The following ASIC3 variants were observed in gnomAD, a reference collection of about 807,000 sequenced individuals.
ASIC3 encodes acid sensing ion channel subunit 3.
Under a neutral mutation model 58.6 loss-of-function variants are expected in ASIC3, and 46 were observed. That is an observed-to-expected ratio of 0.79 (90% CI 0.62 to 1.00). ASIC3 has a LOEUF of 1.00. Among genes scored for constraint, ASIC3 ranks in the 50% least tolerant of loss-of-function variants. ASIC3 has a pLI of 0.00. For missense variants in ASIC3, 770 were observed against 735.0 expected, an observed-to-expected ratio of 1.05 and a Z score of -0.55; for synonymous variants, 336 against 300.2, an observed-to-expected ratio of 1.12 and a Z score of -1.23.
intron 6 of ASIC3, 35 bp downstream of exon 6, chr7:151,051,354 C>T (rs1563321305): frequency 6.9e-7 from 1 of 1,439,354 alleles, no homozygotes; most frequent in Admixed American, 3.0e-5. Flanking sequence ...TCCTCCGAGC[C>T]GGGGGCTCCC....
At chr7:151,048,525 C>A, upstream of ASIC3, 1 of 273,160 alleles carries the variant, frequency 3.7e-6, no homozygotes, top group Non-Finnish European at 6.9e-6. Flanking sequence ...CTGCTGAAAC[C>A]CAATCCTCTG....
In ASIC3 at chr7:151,050,801, C is replaced by A; in HGVS notation, c.857C>A (p.Ser286Tyr). 6.2e-7 allele frequency: 1 copy of A among 1,613,906 alleles called. No homozygotes were observed. The highest frequency in any genetic ancestry group is 8.5e-7 in the Non-Finnish European group (1 of 1,179,920). ...PPPWGDCSSA[S>Y]LNPNYEPEPS... The stretch of plus-strand genomic sequence containing the variant: ...CCCTGGGGCGATTGCAGTTCAGCAT[C>A]TCTGAACCCCAACTATGAGCCAGAG... Residue 286 changes from serine (S) to tyrosine (Y), a missense_variant, in exon 4 of 11, where the codon TCT (serine) becomes TAT (tyrosine). Coordinates refer to ENST00000349064, the MANE Select transcript of ASIC3 (RefSeq NM_004769.4).
At position 151,048,819 on chromosome 7, in the gene ASIC3, C is replaced by T. The variant is rs1796688968; in HGVS notation, c.-67C>T. 3.3e-6 allele frequency: 5 copies of T among 1,504,392 alleles called. No individual in the cohort carries two copies. The highest frequency in any genetic ancestry group is 2.8e-5 in the African/African-American group (2 of 71,396). The allele number at this position is 1,504,392 out of a possible 1,614,324, so 93.2% of individuals were successfully genotyped here. ...CTGAATCCTATCTTAGCCTCCTTAG[C>T]CCCCTGACTGACTCTCTCTCGCTTC... On this transcript the variant is annotated 5_prime_UTR_variant, in exon 1 of 11. Coordinates refer to ENST00000349064, the MANE Select transcript of ASIC3 (RefSeq NM_004769.4).
rs758704856 is a variant in ASIC3 at position 151,050,238 on chromosome 7, C to T, written c.667C>T (p.Pro223Ser). The change falls in exon 2 of 11, where the codon CCT (proline) becomes TCT (serine). Residue 223 changes from proline (P) to serine (S), a missense_variant. Coordinates refer to ENST00000349064, the MANE Select transcript of ASIC3 (RefSeq NM_004769.4). The part of the protein sequence containing the change: ...MLDVQQEEYL[P>S]VWRDNEETPF... ...GGACGTGCAGCAGGAGGAATATCTA[C>T]CTGTGTGGAGGGACAATGGTAGGGA... The T allele has an allele frequency of 3.1e-6, 5 of 1,613,658 alleles. No individual in the cohort carries two copies. The South Asian group carries it at 5.5e-5, about 18-fold the overall frequency.
Position 151,052,130 on chromosome 7 carries a change from T to G in ASIC3, c.1387-36T>G. The G allele has an allele frequency of 3.7e-6, 6 of 1,613,612 alleles. No homozygotes were observed. The highest frequency in any genetic ancestry group is 5.1e-6 in the Non-Finnish European group (6 of 1,179,856). ...AGGGCCCCTAGGATGAGGGGGAAGG[T>G]GTGCACTGGCCACCTCCCATCCTGC... On this transcript the variant is annotated intron_variant, in intron 8 of 10. Transcript: ENST00000349064. This position sits in a 1 kb window ranked among gnomAD's most constrained non-coding sequence, Gnocchi z 5.0.
chr7:151,051,572 CG>C (rs1324812632), intron 6 of ASIC3, among the ~76,000 whole-genome samples: 141 of 13,058 alleles, frequency 0.011, no homozygotes, highest in African/African-American at 0.039. Context: ...ACAGAGACGG[CG>C]GGGGGCGGGG....
Position 151,052,226 on chromosome 7 carries a change from A to G in ASIC3, c.1447A>G (p.Ser483Gly). ...WNRQHSQRHSSTNLLQEGLGS... is the reference protein window; with the variant it reads ...WNRQHSQRHSGTNLLQEGLGS... Reference sequence around the variant, plus strand: ...CCGACAGCACTCCCAAAGGCACTCCAGCACCAATCTGGTAACAGCCCCTCT... The same window carrying G: ...CCGACAGCACTCCCAAAGGCACTCCGGCACCAATCTGGTAACAGCCCCTCT... The change falls in exon 9 of 11, where the codon AGC becomes GGC. Residue 483 changes from serine to glycine, a missense_variant. Ser to Gly is a moderately conservative substitution (Grantham distance 56, BLOSUM62 0). Coordinates refer to ENST00000349064, the MANE Select transcript of ASIC3 (RefSeq NM_004769.4). This position sits in a 1 kb window ranked among gnomAD's most constrained non-coding sequence, Gnocchi z 5.0. The G allele has an allele frequency of 1.9e-6, 3 of 1,614,080 alleles. No homozygotes were observed. The highest frequency in any genetic ancestry group is 2.5e-6 in the Non-Finnish European group (3 of 1,179,996).
rs746616883 is a variant in ASIC3, at chr7:151,048,622, C to T, written c.-264C>T. ...CAGCTACGTCCCACCTGGTCTGCTG[C>T]GGAGTCCCCAGCCCAGTGCCTAGCC... is the stretch of plus-strand genomic sequence containing the variant. On this transcript the variant is annotated 5_prime_UTR_variant, in exon 1 of 11. Coordinates refer to ENST00000349064, the MANE Select transcript of ASIC3 (RefSeq NM_004769.4). 79 of 469,162 alleles carry T rather than the reference C, an allele frequency of 1.7e-4. No homozygotes were observed. Among genetic ancestry groups the T allele is most frequent in the Non-Finnish European group, 2.3e-4 (61 of 266,574 alleles). The allele number at this position is 469,162 out of a possible 1,614,324, so 29.1% of individuals were successfully genotyped here.
In ASIC3 at chr7:151,050,751, C is replaced by T. The variant is rs1447910175; in HGVS notation, c.814-7C>T. On this transcript the variant is annotated splice_region_variant and splice_polypyrimidine_tract_variant and intron_variant, in intron 3 of 10. Coordinates refer to ENST00000349064, the MANE Select transcript of ASIC3 (RefSeq NM_004769.4). ...CGGGAAGCCTCCTTAACCCTGTCCC[C>T]CCACAGCTGAGCTTCCTGCCACCGC... 3 of 1,612,952 alleles carry T rather than the reference C, an allele frequency of 1.9e-6. No individual in the cohort carries two copies. The highest frequency in any genetic ancestry group is 2.2e-5 in the South Asian group (2 of 91,034).
At chr7:151,050,348 C>A in intron 2 of ASIC3, 92 bp downstream of exon 2, 1 of 1,563,312 alleles carries the variant, frequency 6.4e-7, no homozygotes, top group South Asian at 1.2e-5. Flanking sequence ...TCAGGGTGTT[C>A]CCCCAGAACC....
At position 151,051,861 on chromosome 7, in the gene ASIC3, C is replaced by G; in HGVS notation, c.1266C>G (p.Thr422=). ...DIFFEALNYE[T]VEQKKAYEMS... ...TCTTTGAGGCCCTCAACTATGAGAC[C>G]GTGGAGCAGAAGAAGGCCTATGAGA... The change falls in exon 7 of 11, where the codon ACC becomes ACG. Residue 422 remains threonine (T), a synonymous_variant. Transcript: ENST00000349064. 2.5e-6 allele frequency: 4 copies of G among 1,613,318 alleles called. No homozygotes were observed.
chr7:151,052,005 G>C lies in ASIC3; in HGVS notation c.1329G>C (p.Gly443=). ...CAGGTGACATTGGGGGCCAGATGGG[G>C]CTGTTCATCGGGGCCAGCCTGCTCA... is the stretch of plus-strand genomic sequence containing the variant. ...ELLGDIGGQM[G]LFIGASLLTI... Residue 443 remains glycine, a synonymous_variant, in exon 8 of 11, where the codon GGG becomes GGC. Transcript: ENST00000349064. The surrounding 1 kb of genome is among the most constrained non-coding windows in gnomAD (Gnocchi z 5.0). 2 of 1,613,498 alleles carry C rather than the reference G, an allele frequency of 1.2e-6. No individual in the cohort carries two copies. The highest frequency in any genetic ancestry group is 1.7e-6 in the Non-Finnish European group (2 of 1,179,906).
At chr7:151,050,071 G>T in intron 1 of ASIC3, 35 bp from the exon 2 acceptor site, 1 of 1,613,382 alleles carries the variant, frequency 6.2e-7, no homozygotes, top group South Asian at 1.1e-5. Context: ...TGCCTGCCTG[G>T]GGGAGATGGC....
At chr7:151,050,359 T>C in intron 2 of ASIC3, 103 bp downstream of exon 2, 1 of 1,564,500 alleles carries the variant, frequency 6.4e-7, no homozygotes, top group Non-Finnish European at 8.7e-7. Context: ...CCCCAGAACC[T>C]GTGAAAGGGG....
rs1362362626 is a variant in ASIC3, at chr7:151,049,418, C to T, written c.533C>T (p.Thr178Met). The T allele has an allele frequency of 6.3e-7, 1 of 1,577,942 alleles. No homozygotes were observed. The highest frequency in any genetic ancestry group is 1.2e-5 in the South Asian group (1 of 86,476). ...GQPCGPENFT[T>M]IFTRMGKCYT... Reference sequence around the variant, plus strand: ...CCTTGTGGGCCTGAGAACTTCACCACGGTGAGCTGACCTCCCTACCTATCC... The same window carrying T: ...CCTTGTGGGCCTGAGAACTTCACCATGGTGAGCTGACCTCCCTACCTATCC... Residue 178 changes from threonine (T) to methionine (M), a missense_variant and splice_region_variant, in exon 1 of 11, where the codon ACG becomes ATG. Transcript: ENST00000349064.
At position 151,052,265 on chromosome 7, in the gene ASIC3, C is replaced by T; in HGVS notation, c.1458+28C>T. On this transcript the variant is annotated intron_variant, in intron 9 of 10. Coordinates refer to ENST00000349064, the MANE Select transcript of ASIC3 (RefSeq NM_004769.4). This position sits in a 1 kb window ranked among gnomAD's most constrained non-coding sequence, Gnocchi z 5.0. ...AACAGCCCCTCTTCTGGAGCCCTTG[C>T]CTGCTCCAAGGGTGCTAGGGCCCAC... 6.2e-7 allele frequency: 1 copy of T among 1,613,892 alleles called. No individual in the cohort carries two copies. Among genetic ancestry groups the T allele is most frequent in the South Asian group, 1.1e-5 (1 of 91,082 alleles).
At chr7:151,051,459 G>A in intron 6 of ASIC3, 140 bp downstream of exon 6, 4 of 1,143,428 alleles carry the variant, frequency 3.5e-6, no homozygotes, top group Non-Finnish European at 2.3e-6. Flanking sequence ...GGGGCTCCGT[G>A]CTGGTTGCTT....
chr7:151,051,422 GGCAGCCTCC>G, intron 6 of ASIC3, 103 bp downstream of exon 6: 4 of 1,359,886 alleles, frequency 2.9e-6, no homozygotes, highest in Non-Finnish European at 3.8e-6. Flanking sequence ...CCCGGGCGGA[GGCAGCCTCC>G]GCAGCCTCAC....
chr7:151,048,983 T>C lies in ASIC3; in HGVS notation c.98T>C (p.Phe33Ser), dbSNP rs1374553548. 6.2e-7 allele frequency: 1 copy of C among 1,608,972 alleles called. No homozygotes were observed. The highest frequency in any genetic ancestry group is 8.5e-7 in the Non-Finnish European group (1 of 1,176,482). ...TCGATGCACGGGCTGGGCCACGTCTTCGGGCCAGGCAGCCTGAGCCTGCGC... is the reference window on the plus strand; with the variant it reads ...TCGATGCACGGGCTGGGCCACGTCTCCGGGCCAGGCAGCCTGAGCCTGCGC... ...NCSMHGLGHV[F>S]GPGSLSLRRG... Residue 33 changes from phenylalanine (F) to serine (S), a missense_variant, in exon 1 of 11, where the codon TTC becomes TCC. By Grantham distance (155) the Phe-to-Ser change is radical. Coordinates refer to ENST00000349064, the MANE Select transcript of ASIC3 (RefSeq NM_004769.4).
Sources: gnomAD v4.1 joint callset for allele counts (sites outside exome capture counted in the v4.1 genomes callset) on GRCh38, gnomAD v4.1.1 for gene constraint, Gnocchi (gnomAD v3.1) non-coding constraint, MANE v1.5 for transcripts, NCBI Gene and HGNC (gene_info 2026-07-23, HGNC 2026-07-21) for gene names.